VWA3B: variants seen among roughly 807,000 people sequenced by gnomAD.
The protein encoded by VWA3B is von Willebrand factor A domain-containing protein 3B.
VWA3B carries 138 observed loss-of-function variants against 158.3 expected under a neutral mutation model. The ratio of observed to expected loss-of-function variants is 0.87; its 90% confidence interval spans 0.76 to 1.00. The LOEUF is 1.00. Among genes scored for constraint, VWA3B ranks in the 50% least tolerant of loss-of-function variants. The pLI, the probability that VWA3B is intolerant of heterozygous loss-of-function variation, is 0.00. For missense variants in VWA3B, 1,555 were observed against 1,565.1 expected, an observed-to-expected ratio of 0.99 and a Z score of 0.11; for synonymous variants, 596 against 587.3, an observed-to-expected ratio of 1.01 and a Z score of -0.21.
chr2:98,151,216 G>A (rs780581298), intron 7 of VWA3B, among the ~76,000 whole-genome samples: 38 of 151,982 alleles, frequency 2.5e-4, no homozygotes, highest in African/African-American at 8.0e-4. Flanking sequence ...GGGTTCAAGC[G>A]ATTGTCCTGC....
chr2:98,268,306 A>ACC (rs1687977473), intron 21 of VWA3B, among the ~76,000 whole-genome samples: 1 of 152,092 alleles, frequency 6.6e-6, no homozygotes, highest in Non-Finnish European at 1.5e-5. Context: ...ATACTGGCAA[A>ACC]ATGAATCCAG....
At chr2:98,308,606 C>T (rs906158363) in intron 26 of VWA3B, among the ~76,000 whole-genome samples, 6 of 152,030 alleles carry the variant, frequency 3.9e-5, no homozygotes, top group African/African-American at 9.7e-5. Context: ...CCTGGCGTCC[C>T]GTTCCCATCA....
chr2:98,088,785 G>T (rs1039781220), intron 1 of VWA3B, among the ~76,000 whole-genome samples: 2 of 151,700 alleles, frequency 1.3e-5, no homozygotes, highest in Admixed American at 1.3e-4. Context: ...ACAGGGTCTC[G>T]CTCTGTCCCC....
At position 98,119,547 on chromosome 2, in the gene VWA3B, TGGA is replaced by T. The variant is rs1674795568; in HGVS notation, c.327_329del (p.Glu110del). On this transcript the variant is annotated inframe_deletion, in exon 4 of 28. Transcript: ENST00000477737. ...AAATCAGAACTGATTTATCAGTTTG[TGGA>T]ACATTTAACACAAGCTGTGGAGAGC... is the stretch of plus-strand genomic sequence containing the variant. 1.2e-6 allele frequency: 2 copies of T among 1,614,126 alleles called. No individual in the cohort carries two copies. Among genetic ancestry groups the T allele is most frequent in the East Asian group, 4.5e-5 (2 of 44,884 alleles).
Position 98,176,604 on chromosome 2 carries a change from G to A in VWA3B, c.1115-4412G>A, listed in dbSNP as rs188707694. Among the ~76,000 whole-genome samples the A allele has an allele frequency of 7.2e-5, 11 of 152,068 alleles. No homozygotes were observed. In the East Asian group the frequency reaches 1.2e-3, roughly 16 times the overall value. On this transcript the variant is annotated intron_variant, in intron 8 of 27. Coordinates refer to ENST00000477737, the MANE Select transcript of VWA3B (RefSeq NM_144992.5). ...ACCACTCCCCATGTGGTGGCCAAGA[G>A]TTTGTTCATTGTCTCATGGCACCCA...
the VWA3B span, among the ~76,000 whole-genome samples, chr2:98,329,643 C>T: frequency 6.6e-6 from 1 of 152,038 alleles, no homozygotes; most frequent in Non-Finnish European, 1.5e-5. Context: ...TTTAGCTAGG[C>T]CACGGTGCTC....
intron 2 of VWA3B, among the ~76,000 whole-genome samples, chr2:98,114,777 C>T (rs1674401158): frequency 6.6e-6 from 1 of 152,284 alleles, no homozygotes; most frequent in African/African-American, 2.4e-5. Context: ...CATGAAGGAG[C>T]AGGACTATGT....
At chr2:98,282,736 G>T (rs1046290556) in intron 22 of VWA3B, among the ~76,000 whole-genome samples, 2 of 152,178 alleles carry the variant, frequency 1.3e-5, no homozygotes, top group Non-Finnish European at 2.9e-5. Flanking sequence ...ACCGTTCACA[G>T]CCAACATGAA....
chr2:98,173,931 C>T (rs555191152), intron 8 of VWA3B, among the ~76,000 whole-genome samples: 1 of 151,816 alleles, frequency 6.6e-6, no homozygotes, highest in Non-Finnish European at 1.5e-5. Context: ...CGCACCACTG[C>T]ACTCCAGCCT....
At chr2:98,244,120 G>A (rs1184201726) in intron 19 of VWA3B, among the ~76,000 whole-genome samples, 2 of 152,124 alleles carry the variant, frequency 1.3e-5, no homozygotes, top group Non-Finnish European at 2.9e-5. Context: ...TGTGGGCACA[G>A]TTCTGTATTC....
At chr2:98,147,337 T>G (rs1301017059) in intron 7 of VWA3B, among the ~76,000 whole-genome samples, 1 of 152,136 alleles carries the variant, frequency 6.6e-6, no homozygotes, top group Non-Finnish European at 1.5e-5. Flanking sequence ...AGACATAATA[T>G]AGACGATTTG....
At chr2:98,263,111 T>A (rs368811932) in intron 21 of VWA3B, among the ~76,000 whole-genome samples, 11 of 151,904 alleles carry the variant, frequency 7.2e-5, no homozygotes, top group Non-Finnish European at 1.2e-4. Context: ...ACTTATTTTG[T>A]GTATTGATTT....
chr2:98,299,228 C>T (rs1016316453), intron 24 of VWA3B, among the ~76,000 whole-genome samples: 4 of 152,300 alleles, frequency 2.6e-5, no homozygotes, highest in South Asian at 2.1e-4. Flanking sequence ...CTTGGTGCTT[C>T]GCTTGATTCA....
At chr2:98,328,545 T>C in the VWA3B span, among the ~76,000 whole-genome samples, 1 of 152,226 alleles carries the variant, frequency 6.6e-6, no homozygotes, top group African/African-American at 2.4e-5. Flanking sequence ...TATTTCTATG[T>C]ATAAATAACA....
rs1299552306 is a variant in VWA3B, at chr2:98,260,882, CT to C, written c.2843+4714del. Among the ~76,000 whole-genome samples, 4 of 151,676 alleles carry C rather than the reference CT, an allele frequency of 2.6e-5. No homozygotes were observed. The East Asian group carries it at 7.7e-4, about 29-fold the overall frequency. On this transcript the variant is annotated intron_variant, in intron 21 of 27. Transcript: ENST00000477737. ...TTTGGTTACTATTTCCATGGAATAT[CT>C]TTTTTCATCCTTTCGCTTTTAACCT... is the stretch of plus-strand genomic sequence containing the variant.
chr2:98,319,994 TAAC>T, the VWA3B span, among the ~76,000 whole-genome samples: 1 of 152,138 alleles, frequency 6.6e-6, no homozygotes, highest in Non-Finnish European at 1.5e-5. Context: ...CTTTTACAGG[TAAC>T]AATTTTAAGA....
At chr2:98,124,047 G>C (rs1675173076) in intron 5 of VWA3B, among the ~76,000 whole-genome samples, 1 of 152,210 alleles carries the variant, frequency 6.6e-6, no homozygotes, top group African/African-American at 2.4e-5. Flanking sequence ...GTGGATTAAA[G>C]ACAGACCCAC....
intron 7 of VWA3B, among the ~76,000 whole-genome samples, chr2:98,162,172 C>T (rs1331335015): frequency 6.6e-6 from 1 of 151,148 alleles, no homozygotes; most frequent in East Asian, 1.9e-4. Context: ...GGCCCACCCG[C>T]CCCAACATCT....
At chr2:98,273,190 C>T (rs1688311209) in intron 22 of VWA3B, among the ~76,000 whole-genome samples, 1 of 152,216 alleles carries the variant, frequency 6.6e-6, no homozygotes. Flanking sequence ...CTTTCAGGTT[C>T]ATCATCTTTG....
Sources: gnomAD v4.1 joint callset for allele counts (sites outside exome capture counted in the v4.1 genomes callset) on GRCh38, gnomAD v4.1.1 for gene constraint, MANE v1.5 for transcripts, NCBI Gene and HGNC (gene_info 2026-07-23, HGNC 2026-07-21) for gene names.